Variants in ETV6 observed in about 807,000 individuals in gnomAD.
The protein encoded by ETV6 is transcription factor ETV6.
In ETV6, 16 loss-of-function variants were observed where a neutral mutation model predicts 51.1. That is an observed-to-expected ratio of 0.31 (90% CI 0.21 to 0.48). The LOEUF (loss-of-function observed/expected upper bound fraction) is 0.48, where lower values mean the gene tolerates loss of function less well. Ranked by LOEUF, ETV6 falls within the 20% of genes least tolerant of loss-of-function variation. ETV6 has a pLI of 0.99. For synonymous variants in ETV6, 240 were observed against 224.1 expected (o/e 1.07, Z -0.64); for missense variants, 458 against 594.8 (o/e 0.77, Z 2.39).
At chr12:11,861,441 G>C (rs181447563) in intron 4 of ETV6, among the ~76,000 whole-genome samples, 7 of 152,268 alleles carry the variant, frequency 4.6e-5, no homozygotes, top group African/African-American at 1.7e-4. Flanking sequence ...GTGACGGAGT[G>C]TAGGGACTGG....
intron 1 of ETV6, among the ~76,000 whole-genome samples, chr12:11,740,520 C>A (rs112721432): frequency 6.6e-6 from 1 of 152,186 alleles, no homozygotes; most frequent in African/African-American, 2.4e-5. Flanking sequence ...GTTTGAACAA[C>A]CCAGTGAATT....
At chr12:11,720,050 C>T (rs1042471065) in intron 1 of ETV6, among the ~76,000 whole-genome samples, 2 of 152,218 alleles carry the variant, frequency 1.3e-5, no homozygotes, top group Admixed American at 6.5e-5. Flanking sequence ...AAGCTATAAA[C>T]AGGACTGGTG....
chr12:11,809,512 T>C (rs560832212), intron 2 of ETV6, among the ~76,000 whole-genome samples: 166 of 152,356 alleles, frequency 1.1e-3, no homozygotes, highest in Non-Finnish European at 2.1e-3. Context: ...GTGTCTTGAC[T>C]TAAGGTACAT....
chr12:11,679,273 A>G (rs1419034167), intron 1 of ETV6, among the ~76,000 whole-genome samples: 1 of 152,202 alleles, frequency 6.6e-6, no homozygotes, highest in Non-Finnish European at 1.5e-5. Flanking sequence ...CATTGAAATC[A>G]AAGTAAGGCC....
At chr12:11,804,776 A>G (rs1218214400) in intron 2 of ETV6, among the ~76,000 whole-genome samples, 1 of 152,172 alleles carries the variant, frequency 6.6e-6, no homozygotes, top group Non-Finnish European at 1.5e-5. Flanking sequence ...CAAAATGGCC[A>G]TTCTTGTGCA....
intron 1 of ETV6, among the ~76,000 whole-genome samples, chr12:11,665,783 G>A (rs1864183341): frequency 6.6e-6 from 1 of 152,154 alleles, no homozygotes; most frequent in Non-Finnish European, 1.5e-5. Flanking sequence ...CGAACATACT[G>A]CCACCTCCCA....
intron 1 of ETV6, among the ~76,000 whole-genome samples, chr12:11,697,688 G>A (rs911349250): frequency 3.3e-5 from 5 of 152,226 alleles, no homozygotes; most frequent in African/African-American, 1.2e-4. Flanking sequence ...ATGGAAAAGT[G>A]TCTGAGTAGT....
At chr12:11,823,225 G>A (rs760073496) in intron 2 of ETV6, among the ~76,000 whole-genome samples, 1 of 152,232 alleles carries the variant, frequency 6.6e-6, no homozygotes, top group East Asian at 1.9e-4. Context: ...CTATAACTCC[G>A]TATTTCTTTG....
chr12:11,693,111 T>G (rs984746522), intron 1 of ETV6, among the ~76,000 whole-genome samples: 7 of 152,136 alleles, frequency 4.6e-5, no homozygotes, highest in African/African-American at 1.7e-4. Flanking sequence ...AACTTAGGTC[T>G]TAGAGAGTGC....
chr12:11,735,583 C>A (rs567318188), intron 1 of ETV6, among the ~76,000 whole-genome samples: 1 of 151,966 alleles, frequency 6.6e-6, no homozygotes, highest in African/African-American at 2.4e-5. Flanking sequence ...TTGTCACTTA[C>A]GATGATGATG....
chr12:11,661,587 C>A (rs988442750), intron 1 of ETV6, among the ~76,000 whole-genome samples: 6 of 152,194 alleles, frequency 3.9e-5, no homozygotes, highest in African/African-American at 1.2e-4. Context: ...GACTTTGAGA[C>A]CTGAATGACC....
chr12:11,715,104 G>A (rs1197654448), intron 1 of ETV6, among the ~76,000 whole-genome samples: 3 of 152,076 alleles, frequency 2.0e-5, no homozygotes, highest in Non-Finnish European at 2.9e-5. Flanking sequence ...TTGTTTAACC[G>A]AAATGAGCAG....
intron 1 of ETV6, among the ~76,000 whole-genome samples, chr12:11,695,086 G>T (rs370919745): frequency 7.9e-5 from 12 of 152,116 alleles, no homozygotes; most frequent in African/African-American, 2.7e-4. Context: ...TGGCATTTTC[G>T]TGCATGTGAG....
intron 1 of ETV6, among the ~76,000 whole-genome samples, chr12:11,693,255 C>G (rs1425677362): frequency 6.6e-6 from 1 of 152,046 alleles, no homozygotes; most frequent in Non-Finnish European, 1.5e-5. Flanking sequence ...CCACGCAGGC[C>G]GTGGCAAGTG....
intron 1 of ETV6, among the ~76,000 whole-genome samples, chr12:11,721,673 C>T (rs1335119216): frequency 2.0e-5 from 3 of 152,080 alleles, no homozygotes; most frequent in African/African-American, 7.2e-5. Context: ...AACCTGCACA[C>T]GTAAACCCTA....
At chr12:11,786,047 A>G (rs1325045191) in intron 2 of ETV6, among the ~76,000 whole-genome samples, 1 of 152,120 alleles carries the variant, frequency 6.6e-6, no homozygotes, top group Non-Finnish European at 1.5e-5. Context: ...GGAGGAAGGG[A>G]AGATTTGGAG....
At chr12:11,675,666 TA>T (rs1370778865) in intron 1 of ETV6, among the ~76,000 whole-genome samples, 1 of 152,102 alleles carries the variant, frequency 6.6e-6, no homozygotes, top group Non-Finnish European at 1.5e-5. Flanking sequence ...TAAAATAAAT[TA>T]GCTGGATGTG....
intron 2 of ETV6, among the ~76,000 whole-genome samples, chr12:11,799,774 T>C (rs1945721857): frequency 6.6e-6 from 1 of 152,176 alleles, no homozygotes. Context: ...TGTTTTATTT[T>C]TTATTTTTTA....
chr12:11,649,988 C>G lies in ETV6; in HGVS notation c.-140C>G, dbSNP rs1241303586. 13 of 797,700 alleles carry G rather than the reference C, an allele frequency of 1.6e-5. No individual in the cohort carries two copies. The East Asian group carries it at 3.4e-4, about 21-fold the overall frequency. 49.4% of individuals were successfully genotyped at this position (797,700 alleles called of 1,614,324 possible). A position where few individuals can be genotyped will look rare whatever the true frequency, so the allele number is the denominator to read the frequency against. On this transcript the variant is annotated 5_prime_UTR_variant, in exon 1 of 8. Coordinates refer to ENST00000396373, the MANE Select transcript of ETV6 (RefSeq NM_001987.5). ...CCCCGCCCCGCGCGCTCCAGACCCC[C>G]GGGGCGGCTGCCGGGAGAGATGCTG...
Sources: gnomAD v4.1 joint callset for allele counts (sites outside exome capture counted in the v4.1 genomes callset) on GRCh38, gnomAD v4.1.1 for gene constraint, MANE v1.5 for transcripts, NCBI Gene and HGNC (gene_info 2026-07-23, HGNC 2026-07-21) for gene names.